SPIRE1: variants seen among roughly 807,000 people sequenced by gnomAD.
The protein encoded by SPIRE1 is spire type actin nucleation factor 1, also known as protein spire homolog 1.
In SPIRE1, 40 loss-of-function variants were observed where a neutral mutation model predicts 94.1. The ratio of observed to expected loss-of-function variants is 0.43; its 90% CI spans 0.33 to 0.55. The LOEUF (loss-of-function observed/expected upper bound fraction) is 0.55, where lower values mean the gene tolerates loss of function less well. Among genes scored for constraint, SPIRE1 ranks in the 20% least tolerant of loss-of-function variants. The pLI is 0.06. For synonymous variants in SPIRE1, 376 were observed against 371.7 expected, an observed-to-expected ratio of 1.01 and a Z score of -0.13; for missense variants, 838 against 975.2, an observed-to-expected ratio of 0.86 and a Z score of 1.87.
rs869122444 is a variant in SPIRE1 at position 12,549,439 on chromosome 18, G to GTTTTTTTTTTTTTTTT, written c.373-2551_373-2536dup. On this transcript the variant is annotated intron_variant, in intron 2 of 16. Transcript: ENST00000409402. ...CTTTTTGTTTGTTTTTGTTATTGTT[G>GTTTTTTTTTTTTTTTT]TTTTTTTTTTTTTTTTTTTTTTTTT... Among the ~76,000 whole-genome samples, 55 of 41,258 alleles carry GTTTTTTTTTTTTTTTT rather than the reference G, an allele frequency of 1.3e-3. 2 individuals carry two copies. The highest frequency in any genetic ancestry group is 1.7e-3 in the South Asian group (1 of 592). The allele number at this position is 41,258 out of a possible 152,430, so 27.1% of individuals were successfully genotyped here. A position where few individuals can be genotyped will look rare whatever the true frequency, so the allele number is the denominator to read the frequency against.
intron 4 of SPIRE1, among the ~76,000 whole-genome samples, chr18:12,517,809 G>A (rs1487729867): frequency 6.6e-6 from 1 of 152,132 alleles, no homozygotes; most frequent in East Asian, 1.9e-4. Flanking sequence ...TCACATATAA[G>A]TACCCCTTTA....
At chr18:12,566,063 T>TGGTA (rs1367671890) in intron 2 of SPIRE1, among the ~76,000 whole-genome samples, 1 of 147,858 alleles carries the variant, frequency 6.8e-6, no homozygotes. Context: ...AGGCTGGGTG[T>TGGTA]GGTAGCTCCC....
chr18:12,658,656 C>G, upstream of SPIRE1: 1 of 466,054 alleles, frequency 2.1e-6, no homozygotes. Flanking sequence ...GCTGAAGCCT[C>G]CCCGCCGGGC....
intron 1 of SPIRE1, among the ~76,000 whole-genome samples, chr18:12,654,413 G>A (rs1273893036): frequency 4.0e-5 from 6 of 151,032 alleles, no homozygotes; most frequent in South Asian, 2.1e-4. Flanking sequence ...TTGGGAGGCC[G>A]AGACGGGCGG....
chr18:12,554,982 G>A (rs957921673), intron 2 of SPIRE1, among the ~76,000 whole-genome samples: 1 of 152,160 alleles, frequency 6.6e-6, no homozygotes, highest in Admixed American at 6.5e-5. Flanking sequence ...TGGACAATGA[G>A]AGTTCAAATC....
chr18:12,634,128 G>A lies in SPIRE1; in HGVS notation c.372+934C>T, dbSNP rs1311030199. 3.9e-5 allele frequency among the ~76,000 whole-genome samples: 6 copies of A among 151,994 alleles called. No homozygotes were observed. In the East Asian group the frequency reaches 7.7e-4, roughly 20 times the overall value. On this transcript the variant is annotated intron_variant, in intron 2 of 16. Coordinates refer to ENST00000409402, the MANE Select transcript of SPIRE1 (RefSeq NM_001128626.2). ...CTGGGCGCGGTGGCGGGCGCCTGTAGTCCCAGCTACCTGGGAGGCTGGGGC... is the reference window on the plus strand; with the variant it reads ...CTGGGCGCGGTGGCGGGCGCCTGTAATCCCAGCTACCTGGGAGGCTGGGGC...
intron 4 of SPIRE1, among the ~76,000 whole-genome samples, chr18:12,521,755 C>G (rs1378930923): frequency 6.6e-6 from 1 of 151,892 alleles, no homozygotes; most frequent in Non-Finnish European, 1.5e-5. Context: ...TTTGGTAATT[C>G]TCACAATATT....
At chr18:12,476,586 T>TACAC (rs1568194516) in intron 10 of SPIRE1, among the ~76,000 whole-genome samples, 10 of 119,760 alleles carry the variant, frequency 8.4e-5, no homozygotes, top group African/African-American at 3.0e-4. Flanking sequence ...TATATATATA[T>TACAC]ATACACACAC....
At chr18:12,464,291 T>C (rs2031998734) in intron 11 of SPIRE1, among the ~76,000 whole-genome samples, 1 of 116,466 alleles carries the variant, frequency 8.6e-6, no homozygotes, top group African/African-American at 3.6e-5. Context: ...GTTTTTGATA[T>C]AATCTGTGTA....
At chr18:12,599,314 G>A (rs117352695) in intron 2 of SPIRE1, among the ~76,000 whole-genome samples, 3 of 152,194 alleles carry the variant, frequency 2.0e-5, no homozygotes, top group Non-Finnish European at 4.4e-5. Flanking sequence ...GGAGTGCAGT[G>A]GCACAACCAT....
chr18:12,643,969 G>A (rs2038152373), intron 1 of SPIRE1, among the ~76,000 whole-genome samples: 2 of 146,780 alleles, frequency 1.4e-5, no homozygotes, highest in Admixed American at 6.9e-5. Context: ...GTGGGGGCGC[G>A]AATCATTTGA....
intron 5 of SPIRE1, among the ~76,000 whole-genome samples, chr18:12,509,448 T>C (rs1052732807): frequency 1.1e-4 from 16 of 152,318 alleles, no homozygotes; most frequent in Admixed American, 3.9e-4. Context: ...TAAAATTTAT[T>C]GGCCAAGATG....
In SPIRE1 at chr18:12,483,874, C is replaced by G. The variant is rs1266144611; in HGVS notation, c.1231+2085G>C. On this transcript the variant is annotated intron_variant, in intron 9 of 16. Transcript: ENST00000409402. ...ATTTTAATTAATAGTTAAAATGCAA[C>G]AATGAAAAACATAAAAGCAGCACAA... Among the ~76,000 whole-genome samples the G allele has an allele frequency of 2.0e-5, 3 of 151,922 alleles. No individual in the cohort carries two copies. In the East Asian group the frequency reaches 5.8e-4, roughly 29 times the overall value.
At chr18:12,479,053 C>T (rs376921411) in intron 10 of SPIRE1, among the ~76,000 whole-genome samples, 323 of 151,604 alleles carry the variant, frequency 2.1e-3, no homozygotes, top group African/African-American at 7.5e-3. Context: ...GTTCCCCAAA[C>T]GAGAAGATAT....
intron 1 of SPIRE1, among the ~76,000 whole-genome samples, chr18:12,649,608 A>G (rs1336799372): frequency 1.3e-5 from 2 of 152,234 alleles, no homozygotes; most frequent in Non-Finnish European, 2.9e-5. Context: ...TATAGGACCA[A>G]TGATACAGGA....
At chr18:12,634,444 GA>G (rs1006462873) in intron 2 of SPIRE1, among the ~76,000 whole-genome samples, 52 of 149,152 alleles carry the variant, frequency 3.5e-4, no homozygotes, top group Middle Eastern at 6.9e-3. Context: ...ACTGAATTAT[GA>G]AAAAAAAACT....
intron 4 of SPIRE1, among the ~76,000 whole-genome samples, chr18:12,514,233 C>T (rs528336053): frequency 1.3e-5 from 2 of 152,148 alleles, no homozygotes; most frequent in Non-Finnish European, 1.5e-5. Context: ...AATATCCAGA[C>T]TGAATCACCT....
At chr18:12,543,876 T>G (rs991733129) in intron 3 of SPIRE1, among the ~76,000 whole-genome samples, 3 of 152,252 alleles carry the variant, frequency 2.0e-5, no homozygotes, top group African/African-American at 7.2e-5. Context: ...AGTCAATTTA[T>G]GAATTGAGGT....
intron 6 of SPIRE1, among the ~76,000 whole-genome samples, chr18:12,504,442 G>T (rs1399894276): frequency 6.6e-6 from 1 of 152,064 alleles, no homozygotes; most frequent in African/African-American, 2.4e-5. Context: ...GGGAGGTGGA[G>T]GTTGCAGTGA....
Sources: allele counts gnomAD v4.1 joint callset (sites outside exome capture counted in the v4.1 genomes callset), GRCh38; gene constraint gnomAD v4.1.1; transcripts MANE v1.5; gene names NCBI Gene and HGNC (gene_info 2026-07-23, HGNC 2026-07-21).